Variants in GPHN observed in about 807,000 individuals in gnomAD.
GPHN encodes gephyrin.
GPHN carries 17 observed loss-of-function variants against 95.5 expected under a neutral mutation model. The ratio of observed to expected loss-of-function variants is 0.18; its 90% CI spans 0.12 to 0.27. The LOEUF is 0.27. Ranked by LOEUF, GPHN falls within the 10% of genes least tolerant of loss-of-function variation. The probability of loss-of-function intolerance (pLI) is 1.00; values close to 1 mark genes in which losing one functional copy is unlikely to be tolerated. For synonymous variants in GPHN, 320 were observed against 322.5 expected (o/e 0.99, Z 0.08); for missense variants, 660 against 978.1 (o/e 0.67, Z 4.34).
chr14:66,824,647 T>C (rs2061328778), intron 4 of GPHN, 81 bp downstream of exon 4: 1 of 686,432 alleles, frequency 1.5e-6, no homozygotes, highest in Non-Finnish European at 2.5e-6. Context: ...ATTTATATTA[T>C]TTTTATAACT....
intron 1 of GPHN, among the ~76,000 whole-genome samples, chr14:66,587,796 G>T (rs182771133): frequency 6.6e-6 from 1 of 152,174 alleles, no homozygotes; most frequent in Non-Finnish European, 1.5e-5. Flanking sequence ...GGGAATGGGC[G>T]GCTCTGGGTG....
the GPHN span, among the ~76,000 whole-genome samples, chr14:67,463,867 G>T: frequency 6.6e-6 from 1 of 152,088 alleles, no homozygotes; most frequent in Non-Finnish European, 1.5e-5. Context: ...TAGAGACAGG[G>T]TTAGAACAAA....
chr14:67,629,799 C>T, the GPHN span, among the ~76,000 whole-genome samples: 1 of 152,138 alleles, frequency 6.6e-6, no homozygotes, highest in African/African-American at 2.4e-5. Context: ...GAAACATTCC[C>T]AAGGACTTGC....
At chr14:66,544,549 G>A (rs1248336798) in intron 1 of GPHN, among the ~76,000 whole-genome samples, 1 of 151,506 alleles carries the variant, frequency 6.6e-6, no homozygotes, top group African/African-American at 2.4e-5. Flanking sequence ...TTTGTTGAAT[G>A]AAAGAAGAAT....
chr14:66,726,376 A>C (rs2071238032), intron 2 of GPHN, among the ~76,000 whole-genome samples: 2 of 152,252 alleles, frequency 1.3e-5, no homozygotes, highest in Admixed American at 1.3e-4. Flanking sequence ...TTAAAATTAA[A>C]ATATGGTGGC....
chr14:67,112,991 T>C (rs1375411167), intron 15 of GPHN, 27 bp from the exon 16 acceptor site: 1 of 1,611,354 alleles, frequency 6.2e-7, no homozygotes, highest in Non-Finnish European at 8.5e-7. Context: ...CTAATCACAC[T>C]GCTTATGGTT....
intron 17 of GPHN, among the ~76,000 whole-genome samples, chr14:67,127,113 G>C (rs897604853): frequency 1.6e-5 from 2 of 123,752 alleles, no homozygotes; most frequent in African/African-American, 5.8e-5. Context: ...GGGGGAGGGG[G>C]GAAGGGGGAG....
chr14:67,269,663 G>A, the GPHN span: 8 of 152,472 alleles, frequency 5.2e-5, no homozygotes, highest in Admixed American at 5.2e-4. Context: ...CTGCAGACAT[G>A]TACATTTGAT....
intron 9 of GPHN, among the ~76,000 whole-genome samples, chr14:67,004,262 G>T (rs552346833): frequency 6.6e-6 from 1 of 151,752 alleles, no homozygotes; most frequent in South Asian, 2.1e-4. Context: ...TGGATGTGCT[G>T]TGTAAATGTA....
intron 1 of GPHN, among the ~76,000 whole-genome samples, chr14:66,530,483 C>G (rs1054087447): frequency 6.6e-6 from 1 of 152,030 alleles, no homozygotes; most frequent in Non-Finnish European, 1.5e-5. Flanking sequence ...GTTCCAGGTA[C>G]CACTGGGGTA....
chr14:66,700,073 G>T (rs2068418565), intron 2 of GPHN, among the ~76,000 whole-genome samples: 1 of 151,846 alleles, frequency 6.6e-6, no homozygotes. Context: ...GTCTTATACG[G>T]GCTATTCAAC....
the GPHN span, among the ~76,000 whole-genome samples, chr14:67,288,456 A>G: frequency 6.6e-6 from 1 of 152,114 alleles, no homozygotes; most frequent in African/African-American, 2.4e-5. Flanking sequence ...CTTTGGGTGG[A>G]CGAGGCAGGA....
intron 4 of GPHN, among the ~76,000 whole-genome samples, chr14:66,855,555 T>C (rs2062766834): frequency 6.6e-6 from 1 of 152,180 alleles, no homozygotes; most frequent in African/African-American, 2.4e-5. Flanking sequence ...GTTGTTTTCA[T>C]CTTTTGGCTA....
chr14:67,465,787 G>T, the GPHN span, among the ~76,000 whole-genome samples: 1 of 152,202 alleles, frequency 6.6e-6, no homozygotes, highest in African/African-American at 2.4e-5. Flanking sequence ...TGTAATTAAG[G>T]ATCTTAAGAT....
chr14:67,351,376 A>C, the GPHN span, among the ~76,000 whole-genome samples: 1 of 152,244 alleles, frequency 6.6e-6, no homozygotes, highest in Non-Finnish European at 1.5e-5. Flanking sequence ...AAAAACTGTA[A>C]AGCAACAAAA....
chr14:66,582,998 C>G (rs1409856369), intron 1 of GPHN, among the ~76,000 whole-genome samples: 1 of 152,152 alleles, frequency 6.6e-6, no homozygotes, highest in African/African-American at 2.4e-5. Flanking sequence ...TACAATCCCA[C>G]CAACAGTGTA....
At position 67,051,207 on chromosome 14, in the gene GPHN, C is replaced by T. The variant is rs1169515753; in HGVS notation, c.1007-7442C>T. 1.5e-4 allele frequency among the ~76,000 whole-genome samples: 23 copies of T among 150,422 alleles called. No individual in the cohort carries two copies. In the East Asian group the frequency reaches 1.6e-3, roughly 10 times the overall value. On this transcript the variant is annotated intron_variant, in intron 10 of 22. Coordinates refer to ENST00000478722, the MANE Select transcript of GPHN (RefSeq NM_020806.5). ...TGCTGCCAAGACAACTGAGCTCCTG[C>T]GGGGAGAGACGGCTGCCATCACTGC...
chr14:67,096,753 A>G (rs1006131589), intron 12 of GPHN, among the ~76,000 whole-genome samples: 4 of 111,372 alleles, frequency 3.6e-5, no homozygotes, highest in Non-Finnish European at 6.9e-5. Context: ...TCAGCCTCCC[A>G]AGTAGCTAGA....
intron 5 of GPHN, among the ~76,000 whole-genome samples, chr14:66,899,122 C>CTTTTTTTTTTTTTTT (rs149566081): frequency 6.1e-5 from 8 of 130,802 alleles, no homozygotes; most frequent in African/African-American, 1.6e-4. Flanking sequence ...AGGGCTTTTT[C>CTTTTTTTTTTTTTTT]TTTTTTTTTT....
Sources: gnomAD v4.1 joint callset for allele counts (sites outside exome capture counted in the v4.1 genomes callset) on GRCh38, gnomAD v4.1.1 for gene constraint, MANE v1.5 for transcripts, NCBI Gene and HGNC (gene_info 2026-07-23, HGNC 2026-07-21) for gene names.